Variants in ADGRB3 observed in about 807,000 individuals in gnomAD.
ADGRB3 encodes adhesion G protein-coupled receptor B3.
In ADGRB3, 37 loss-of-function variants were observed where a neutral mutation model predicts 193.4. That is an observed-to-expected ratio of 0.19 (90% CI 0.15 to 0.25). The LOEUF is 0.25. Ranked by LOEUF, ADGRB3 falls within the 10% of genes least tolerant of loss-of-function variation. ADGRB3 has a pLI of 1.00. For synonymous variants in ADGRB3, 690 were observed against 644.2 expected, an observed-to-expected ratio of 1.07 and a Z score of -1.08; for missense variants, 1,637 against 1,852.9, an observed-to-expected ratio of 0.88 and a Z score of 2.14.
chr6:68,883,559 C>A (rs993404279), intron 3 of ADGRB3, among the ~76,000 whole-genome samples: 9 of 152,086 alleles, frequency 5.9e-5, no homozygotes, highest in African/African-American at 2.2e-4. Flanking sequence ...TTGAGGTCAG[C>A]GAGACCACGA....
intron 3 of ADGRB3, among the ~76,000 whole-genome samples, chr6:68,762,988 C>G (rs558261617): frequency 2.4e-4 from 36 of 152,296 alleles, no homozygotes; most frequent in South Asian, 8.3e-4. Context: ...TTAAAACATT[C>G]CTTGTTTGTG....
At chr6:69,373,975 C>G (rs1056861876) in intron 30 of ADGRB3, among the ~76,000 whole-genome samples, 1 of 152,040 alleles carries the variant, frequency 6.6e-6, no homozygotes, top group Non-Finnish European at 1.5e-5. Context: ...CAACTGGTAG[C>G]AGATTCCTTA....
intron 20 of ADGRB3, among the ~76,000 whole-genome samples, chr6:69,287,030 A>G (rs1289492476): frequency 6.6e-6 from 1 of 152,142 alleles, no homozygotes; most frequent in Non-Finnish European, 1.5e-5. Flanking sequence ...GCTATTTCAA[A>G]CTTTGCAGCT....
chr6:68,759,539 A>C (rs1766356152), intron 3 of ADGRB3, among the ~76,000 whole-genome samples: 1 of 152,064 alleles, frequency 6.6e-6, no homozygotes, highest in Non-Finnish European at 1.5e-5. Context: ...TATGTGTGTA[A>C]CTTTAAGCCA....
intron 20 of ADGRB3, among the ~76,000 whole-genome samples, chr6:69,317,761 G>A (rs1004665829): frequency 2.0e-5 from 3 of 151,368 alleles, no homozygotes; most frequent in East Asian, 3.9e-4. Flanking sequence ...GGTGTCTACT[G>A]CCTATTATTT....
intron 6 of ADGRB3, among the ~76,000 whole-genome samples, chr6:68,953,329 C>G (rs536034057): frequency 1.3e-5 from 2 of 152,280 alleles, no homozygotes; most frequent in Non-Finnish European, 2.9e-5. Context: ...GCACCTAATT[C>G]ACCTTTGTTA....
chr6:69,370,545 G>A (rs1018762669), intron 29 of ADGRB3, among the ~76,000 whole-genome samples: 2 of 152,016 alleles, frequency 1.3e-5, no homozygotes, highest in African/African-American at 4.8e-5. Context: ...AAATTAAATA[G>A]GAATGAGATC....
At chr6:69,282,333 C>T (rs1582602575) in intron 20 of ADGRB3, among the ~76,000 whole-genome samples, 1 of 151,828 alleles carries the variant, frequency 6.6e-6, no homozygotes, top group East Asian at 1.9e-4. Flanking sequence ...TAACAGACAC[C>T]AAATAAAAAA....
chr6:69,202,294 A>G (rs975574302), intron 17 of ADGRB3, among the ~76,000 whole-genome samples: 5 of 152,144 alleles, frequency 3.3e-5, no homozygotes, highest in African/African-American at 7.2e-5. Flanking sequence ...GAAGTTATCT[A>G]TGGTATCTAG....
At chr6:69,156,539 C>T (rs1201291842) in intron 17 of ADGRB3, among the ~76,000 whole-genome samples, 1 of 152,104 alleles carries the variant, frequency 6.6e-6, no homozygotes. Context: ...CATCTGGGGT[C>T]AGATCACATG....
At chr6:69,214,705 A>G (rs927282441) in intron 17 of ADGRB3, among the ~76,000 whole-genome samples, 11 of 151,758 alleles carry the variant, frequency 7.2e-5, no homozygotes, top group African/African-American at 2.7e-4. Context: ...GAAATCCCCC[A>G]CAATTGCCCA....
At chr6:69,027,445 C>A (rs1770468483) in intron 13 of ADGRB3, among the ~76,000 whole-genome samples, 1 of 152,034 alleles carries the variant, frequency 6.6e-6, no homozygotes, top group African/African-American at 2.4e-5. Flanking sequence ...TAACTTTTTT[C>A]TTAAATAGGA....
chr6:68,759,484 C>T (rs1441934405), intron 3 of ADGRB3, among the ~76,000 whole-genome samples: 2 of 151,862 alleles, frequency 1.3e-5, no homozygotes, highest in African/African-American at 2.4e-5. Context: ...TGTTTTAGTT[C>T]ACTATTAATT....
chr6:69,279,862 A>T (rs1767396316), intron 20 of ADGRB3, among the ~76,000 whole-genome samples: 1 of 152,212 alleles, frequency 6.6e-6, no homozygotes, highest in East Asian at 1.9e-4. Context: ...TCATCTTTTT[A>T]TACTAGGTAG....
At chr6:68,829,683 T>C (rs143699512) in intron 3 of ADGRB3, among the ~76,000 whole-genome samples, 119 of 152,282 alleles carry the variant, frequency 7.8e-4, no homozygotes, top group African/African-American at 2.4e-3. Flanking sequence ...TACAAATACA[T>C]TTAGAAATTT....
At chr6:69,152,931 G>T (rs981722772) in intron 17 of ADGRB3, among the ~76,000 whole-genome samples, 1 of 152,062 alleles carries the variant, frequency 6.6e-6, no homozygotes, top group African/African-American at 2.4e-5. Flanking sequence ...CTGCATTGAT[G>T]TACTCAGTTT....
At chr6:69,089,412 T>C (rs1262507531) in intron 17 of ADGRB3, among the ~76,000 whole-genome samples, 2 of 152,160 alleles carry the variant, frequency 1.3e-5, no homozygotes, top group African/African-American at 4.8e-5. Flanking sequence ...AAGGGAAAAT[T>C]TTTGAATGAG....
intron 17 of ADGRB3, among the ~76,000 whole-genome samples, chr6:69,176,467 T>G (rs1582520564): frequency 6.6e-6 from 1 of 152,220 alleles, no homozygotes; most frequent in African/African-American, 2.4e-5. Context: ...AAGCCAACCT[T>G]GCATCCCAGG....
chr6:68,983,361 G>T (rs1768980998), intron 10 of ADGRB3, among the ~76,000 whole-genome samples: 1 of 151,380 alleles, frequency 6.6e-6, no homozygotes, highest in African/African-American at 2.4e-5. Flanking sequence ...ACTTTTTGAA[G>T]TGTCTTCACG....
Sources: gnomAD v4.1 joint callset for allele counts (sites outside exome capture counted in the v4.1 genomes callset) on GRCh38, gnomAD v4.1.1 for gene constraint, MANE v1.5 for transcripts, NCBI Gene and HGNC (gene_info 2026-07-23, HGNC 2026-07-21) for gene names.